ITGA1: variants seen among roughly 807,000 people sequenced by gnomAD.
ITGA1 encodes integrin subunit alpha 1.
Under a neutral mutation model 145.9 loss-of-function variants are expected in ITGA1, and 85 were observed. The ratio of observed to expected loss-of-function variants is 0.58; its 90% confidence interval spans 0.49 to 0.70. The LOEUF (loss-of-function observed/expected upper bound fraction) is 0.70, where lower values mean the gene tolerates loss of function less well. Ranked by LOEUF, ITGA1 falls within the 30% of genes least tolerant of loss-of-function variation. The probability of loss-of-function intolerance (pLI) is 0.00; values close to 1 mark genes in which losing one functional copy is unlikely to be tolerated. For missense variants in ITGA1, 1,351 were observed against 1,418.7 expected (o/e 0.95, Z 0.77); for synonymous variants, 520 against 495.3 (o/e 1.05, Z -0.66).
intron 23 of ITGA1, 21 bp from the exon 24 acceptor site, chr5:52,937,380 A>C (rs761355855): frequency 2.0e-6 from 3 of 1,466,768 alleles, no homozygotes; most frequent in Non-Finnish European, 2.9e-6. Context: ...GAAAGATTAC[A>C]TTTCCATTTT....
At chr5:52,939,547 G>T (rs1418177444) in intron 24 of ITGA1, 43 bp from the exon 25 acceptor site, 2 of 1,308,266 alleles carry the variant, frequency 1.5e-6, no homozygotes, top group Non-Finnish European at 1.1e-6. Context: ...TTTTTCCTCT[G>T]ATATCTGGCA....
At chr5:52,903,608 T>G (rs2111838563) in intron 11 of ITGA1, 1 of 152,310 alleles carries the variant, frequency 6.6e-6, no homozygotes, top group East Asian at 1.9e-4. Context: ...TGAAAGAAAG[T>G]CAAACCTACT....
intron 1 of ITGA1, among the ~76,000 whole-genome samples, chr5:52,846,831 A>G (rs752618147): frequency 9.2e-5 from 14 of 152,236 alleles, no homozygotes; most frequent in South Asian, 2.1e-4. Context: ...TCACTGCCAA[A>G]TCTCATCTCT....
chr5:52,952,204 G>A (rs201399496), intron 28 of ITGA1, among the ~76,000 whole-genome samples: 8 of 147,688 alleles, frequency 5.4e-5, no homozygotes, highest in East Asian at 2.0e-4. Flanking sequence ...AAAAAGAAAA[G>A]AAAAAAAAAG....
intron 1 of ITGA1, chr5:52,802,757 T>C (rs983086102): frequency 3.3e-5 from 5 of 152,254 alleles, no homozygotes; most frequent in African/African-American, 1.2e-4. Flanking sequence ...TTAATTTGGG[T>C]TTGCACATTT....
intron 11 of ITGA1, among the ~76,000 whole-genome samples, chr5:52,900,739 T>A (rs917069839): frequency 1.3e-5 from 2 of 152,106 alleles, no homozygotes; most frequent in Non-Finnish European, 1.5e-5. Context: ...GGCAAATTAC[T>A]CTCCCCCTCA....
chr5:52,947,479 T>G lies in ITGA1; in HGVS notation c.3495+18T>G. ...TGTGGAAGGTAAACACCAAAATTCC[T>G]TTGACTCTCTACTTCAATCATCAAC... On this transcript the variant is annotated intron_variant, in intron 28 of 28. Transcript: ENST00000282588. 7.0e-7 allele frequency: 1 copy of G among 1,425,066 alleles called. No individual in the cohort carries two copies. The highest frequency in any genetic ancestry group is 9.9e-7 in the Non-Finnish European group (1 of 1,007,728). The allele number at this position is 1,425,066 out of a possible 1,614,324, so 88.3% of individuals were successfully genotyped here. A position where few individuals can be genotyped will look rare whatever the true frequency, so the allele number is the denominator to read the frequency against.
At position 52,865,810 on chromosome 5, in the gene ITGA1, A is replaced by G. The variant is rs1237122966; in HGVS notation, c.617A>G (p.Gln206Arg). Residue 206 changes from glutamine to arginine, a missense_variant, in exon 6 of 29, where the codon CAG (glutamine) becomes CGG (arginine). By Grantham distance (43) the Gln-to-Arg change is conservative. Coordinates refer to ENST00000282588, the MANE Select transcript of ITGA1 (RefSeq NM_181501.2). ...GAAAGAATGGATATTGGTCCTAAAC[A>G]GACACAGGTATGTGACTTTGTGTTT... ...LLERMDIGPKQTQVGIVQYGE... is the reference protein window; with the variant it reads ...LLERMDIGPKRTQVGIVQYGE... 4.4e-6 allele frequency: 7 copies of G among 1,582,408 alleles called. No homozygotes were observed. The highest frequency in any genetic ancestry group is 5.1e-6 in the Non-Finnish European group (6 of 1,169,170).
chr5:52,849,140 G>A (rs1033891422), intron 1 of ITGA1, among the ~76,000 whole-genome samples: 3 of 152,172 alleles, frequency 2.0e-5, no homozygotes, highest in African/African-American at 7.2e-5. Flanking sequence ...CTAGATCCTT[G>A]AGGAATCGCC....
intron 2 of ITGA1, among the ~76,000 whole-genome samples, chr5:52,859,074 C>G (rs1749559969): frequency 6.6e-6 from 1 of 152,074 alleles, no homozygotes. Flanking sequence ...GCACTTAGAA[C>G]AGGGCCTAGC....
rs750916684 is a variant in ITGA1 at position 52,801,093 on chromosome 5, C to T, written c.61+12679C>T. 3.7e-6 allele frequency: 6 copies of T among 1,605,830 alleles called. No individual in the cohort carries two copies. The African/African-American group carries it at 8.0e-5, about 22-fold the overall frequency. ...CAGTGAAGACCGACAACAAACTGCTCCTGGAAAACCGGTCCAAATTTCTTC... is the reference window on the plus strand; with the variant it reads ...CAGTGAAGACCGACAACAAACTGCTTCTGGAAAACCGGTCCAAATTTCTTC... On this transcript the variant is annotated intron_variant, in intron 1 of 28. Coordinates refer to ENST00000282588, the MANE Select transcript of ITGA1 (RefSeq NM_181501.2).
intron 1 of ITGA1, among the ~76,000 whole-genome samples, chr5:52,830,887 C>T (rs1230078315): frequency 6.6e-6 from 1 of 152,144 alleles, no homozygotes; most frequent in African/African-American, 2.4e-5. Context: ...TGACACAAAG[C>T]AGCAATTATT....
chr5:52,801,606 T>A, intron 1 of ITGA1: 1 of 1,613,948 alleles, frequency 6.2e-7, no homozygotes, highest in Non-Finnish European at 8.5e-7. Context: ...CCATGGCAAT[T>A]GACACATTGC....
chr5:52,927,715 T>A, intron 20 of ITGA1, 51 bp downstream of exon 20: 1 of 1,100,972 alleles, frequency 9.1e-7, no homozygotes, highest in South Asian at 1.3e-5. Context: ...AAAAGTAATA[T>A]GTGCAAAGAC....
intron 1 of ITGA1, among the ~76,000 whole-genome samples, chr5:52,822,457 G>A (rs1748894290): frequency 1.3e-5 from 2 of 152,182 alleles, no homozygotes; most frequent in South Asian, 2.1e-4. Context: ...TTTGGACTGG[G>A]CAGAGCTAGA....
Position 52,912,563 on chromosome 5 carries a change from AGGTATTATATATAG to A in ITGA1, c.1857+2145_1857+2158del, listed in dbSNP as rs1750577706. Among the ~76,000 whole-genome samples, 3 of 92,346 alleles carry A rather than the reference AGGTATTATATATAG, an allele frequency of 3.2e-5. No individual in the cohort carries two copies. The South Asian group carries it at 9.8e-4, about 30-fold the overall frequency. The allele number at this position is 92,346 out of a possible 152,430, so 60.6% of individuals were successfully genotyped here. A position where few individuals can be genotyped will look rare whatever the true frequency, so the allele number is the denominator to read the frequency against. On this transcript the variant is annotated intron_variant, in intron 14 of 28. Coordinates refer to ENST00000282588, the MANE Select transcript of ITGA1 (RefSeq NM_181501.2). Reference sequence around the variant, plus strand: ...GTATTATATATAGTGTATCCACTATAGGTATTATATATAGTGTATCCACTATAGGTATTATATAT... The same window carrying A: ...GTATTATATATAGTGTATCCACTATATGTATCCACTATAGGTATTATATAT...
intron 2 of ITGA1, among the ~76,000 whole-genome samples, chr5:52,850,123 C>T (rs1479659412): frequency 6.6e-6 from 1 of 151,886 alleles, no homozygotes; most frequent in East Asian, 1.9e-4. Flanking sequence ...CTGCCTCAGC[C>T]TCCTAGTAGC....
Position 52,864,787 on chromosome 5 carries a change from C to A in ITGA1, c.320C>A (p.Thr107Lys). ...GTTAATACATCAATTCCCAATGTCA[C>A]AGAAGTAAAGGAGAACATGACATTT... ...LPVNTSIPNV[T>K]EVKENMTFGS... The change falls in exon 4 of 29, where the codon ACA (threonine) becomes AAA (lysine). Residue 107 changes from threonine to lysine, a missense_variant. Transcript: ENST00000282588. The A allele has an allele frequency of 6.2e-7, 1 of 1,610,666 alleles. No individual in the cohort carries two copies. The highest frequency in any genetic ancestry group is 8.5e-7 in the Non-Finnish European group (1 of 1,178,114).
intron 14 of ITGA1, among the ~76,000 whole-genome samples, chr5:52,913,543 T>C (rs1291744817): frequency 1.3e-5 from 2 of 152,124 alleles, no homozygotes; most frequent in East Asian, 3.8e-4. Context: ...AAATAACAAG[T>C]TACAAAAGTG....
Sources: allele counts gnomAD v4.1 joint callset (sites outside exome capture counted in the v4.1 genomes callset), GRCh38; gene constraint gnomAD v4.1.1; transcripts MANE v1.5; gene names NCBI Gene and HGNC (gene_info 2026-07-23, HGNC 2026-07-21).